Variants in ZC3H7A observed in about 807,000 individuals in gnomAD.
The protein encoded by ZC3H7A is zinc finger CCCH-type containing 7A.
In ZC3H7A, 44 loss-of-function variants were observed where a neutral mutation model predicts 125.5. That is an observed-to-expected ratio of 0.35 (90% confidence interval 0.28 to 0.45). ZC3H7A has a LOEUF of 0.45. ZC3H7A is among the 20% of genes least tolerant of loss of function. The pLI, the probability that ZC3H7A is intolerant of heterozygous loss-of-function variation, is 1.00. For missense variants in ZC3H7A, 977 were observed against 1,170.7 expected (o/e 0.83, Z 2.41); for synonymous variants, 399 against 391.2 (o/e 1.02, Z -0.23).
intron 1 of ZC3H7A, among the ~76,000 whole-genome samples, chr16:11,794,189 G>A (rs572644241): frequency 6.6e-5 from 10 of 152,310 alleles, no homozygotes; most frequent in South Asian, 2.1e-4. Context: ...ACCGCCAGCC[G>A]ATGAAGTCTT....
In ZC3H7A at chr16:11,768,495, C is replaced by T. The variant is rs868669864; in HGVS notation, c.1180G>A (p.Gly394Arg). The T allele has an allele frequency of 1.4e-6, 2 of 1,405,670 alleles. No homozygotes were observed. The highest frequency in any genetic ancestry group is 1.9e-4 in the Middle Eastern group (1 of 5,288). 87.1% of individuals were successfully genotyped at this position (1,405,670 alleles called of 1,614,324 possible). A position where few individuals can be genotyped will look rare whatever the true frequency, so the allele number is the denominator to read the frequency against. Residue 394 changes from glycine to arginine, a missense_variant, in exon 12 of 23, where the codon GGA becomes AGA. Transcript: ENST00000355758. ...TCTGAAGCAAACAAACTACCTGGTC[C>T]ATTCATCTGCAAGAAAAATAAGAAG... is the stretch of plus-strand genomic sequence containing the variant. ...NSNSSLLLMN[G>R]PGSLFASENF... is the part of the protein sequence containing the mutation.
At chr16:11,793,111 T>C (rs1295332332) in intron 1 of ZC3H7A, among the ~76,000 whole-genome samples, 1 of 152,080 alleles carries the variant, frequency 6.6e-6, no homozygotes, top group Non-Finnish European at 1.5e-5. Flanking sequence ...TAAATACAAA[T>C]AATATTAAAA....
Position 11,767,584 on chromosome 16 carries a change from A to G in ZC3H7A, c.1361-6T>C, listed in dbSNP as rs2052882353. On this transcript the variant is annotated splice_region_variant and splice_polypyrimidine_tract_variant and intron_variant, in intron 12 of 22. Coordinates refer to ENST00000355758, the MANE Select transcript of ZC3H7A (RefSeq NM_014153.4). ...GAAATCCATTAACTTAGGGCCTGAA[A>G]AAGATGTAAAGAGGATTGCTTATAT... 1.3e-6 allele frequency: 2 copies of G among 1,549,310 alleles called. No individual in the cohort carries two copies. The highest frequency in any genetic ancestry group is 4.2e-5 in the Admixed American group (2 of 47,088).
At position 11,770,868 on chromosome 16, in the gene ZC3H7A, G is replaced by C. The variant is rs1567382350; in HGVS notation, c.1023C>G (p.Phe341Leu). The change falls in exon 10 of 23, where the codon TTC (phenylalanine) becomes TTG (leucine). Residue 341 changes from phenylalanine to leucine, a missense_variant. By Grantham distance (22) the Phe-to-Leu change is conservative. Around this residue, in one of 3 missense-constraint regions of ZC3H7A, gnomAD observed 342 missense variants for 311.3 expected, o/e 1.10. Transcript: ENST00000355758. ...AAGTCAAAGGTGGATAAAATTCTGAGAAGGAGGGTGGAGGAGCATACCTCG... is the reference window on the plus strand; with the variant it reads ...AAGTCAAAGGTGGATAAAATTCTGACAAGGAGGGTGGAGGAGCATACCTCG... ...IGARYAPPPS[F>L]SEFYPPLTSS... is the part of the protein sequence containing the mutation. 6.2e-7 allele frequency: 1 copy of C among 1,614,216 alleles called. No individual in the cohort carries two copies. Among genetic ancestry groups the C allele is most frequent in the Admixed American group, 1.7e-5 (1 of 60,026 alleles).
intron 1 of ZC3H7A, among the ~76,000 whole-genome samples, chr16:11,793,373 A>C (rs2053382658): frequency 6.6e-6 from 1 of 152,092 alleles, no homozygotes; most frequent in Non-Finnish European, 1.5e-5. Flanking sequence ...CTCTATAAAA[A>C]TGTTTAAAAA....
At chr16:11,774,927 C>A in intron 8 of ZC3H7A, 53 bp downstream of exon 8, 1 of 1,574,758 alleles carries the variant, frequency 6.4e-7, no homozygotes. Context: ...ACAAAGACAT[C>A]AGGTACAAAG....
At chr16:11,773,840 G>C (rs1472139881) in intron 9 of ZC3H7A, among the ~76,000 whole-genome samples, 1 of 149,222 alleles carries the variant, frequency 6.7e-6, no homozygotes, top group Non-Finnish European at 1.5e-5. Flanking sequence ...CCAAGACTGC[G>C]CCACTGCACT....
At chr16:11,769,710 C>CAAAA (rs529124830) in intron 10 of ZC3H7A, among the ~76,000 whole-genome samples, 995 of 32,478 alleles carry the variant, frequency 0.031, 74 homozygotes, top group East Asian at 0.094. Context: ...GACTCTGTCT[C>CAAAA]AAAAAAAAAA....
intron 16 of ZC3H7A, chr16:11,762,951 C>T: frequency 4.1e-6 from 2 of 493,420 alleles, no homozygotes; most frequent in Non-Finnish European, 7.2e-6. Context: ...AGGAATCTTT[C>T]CTCCCAACAA....
chr16:11,752,541 CCTT>C, intron 22 of ZC3H7A, 125 bp downstream of exon 22: 6 of 1,181,298 alleles, frequency 5.1e-6, no homozygotes, highest in Non-Finnish European at 7.0e-6. Context: ...ACCCAAGAAT[CCTT>C]CAGGGTCTGT....
intron 3 of ZC3H7A, 45 bp from the exon 4 acceptor site, chr16:11,779,408 A>G (rs1482599809): frequency 6.4e-7 from 1 of 1,550,908 alleles, no homozygotes; most frequent in South Asian, 1.2e-5. Context: ...ATCAAACAAG[A>G]TATGGTATAA....
At chr16:11,770,062 C>T (rs1049569168) in intron 10 of ZC3H7A, among the ~76,000 whole-genome samples, 4 of 152,076 alleles carry the variant, frequency 2.6e-5, no homozygotes, top group Admixed American at 2.0e-4. Flanking sequence ...GCTGGGATTA[C>T]AGGCATGAGC....
chr16:11,778,839 G>A (rs565125776), intron 4 of ZC3H7A, among the ~76,000 whole-genome samples: 17 of 151,878 alleles, frequency 1.1e-4, no homozygotes, highest in South Asian at 4.2e-4. Flanking sequence ...TCAGCCTCCC[G>A]GGCAGCTGGG....
chr16:11,775,871 G>T (rs1175832659), intron 7 of ZC3H7A, among the ~76,000 whole-genome samples: 3 of 152,120 alleles, frequency 2.0e-5, no homozygotes, highest in Non-Finnish European at 2.9e-5. Context: ...AAAGTGACTA[G>T]AAGAGGCCAG....
intron 11 of ZC3H7A, 111 bp from the exon 12 acceptor site, chr16:11,768,612 G>C: frequency 1.1e-6 from 1 of 939,558 alleles, no homozygotes; most frequent in Non-Finnish European, 1.5e-6. Flanking sequence ...CATAAACTGA[G>C]GTCAGTACTA....
chr16:11,778,609 C>T (rs2053123864), intron 4 of ZC3H7A, among the ~76,000 whole-genome samples: 2 of 152,112 alleles, frequency 1.3e-5, no homozygotes, highest in African/African-American at 4.8e-5. Context: ...AGCAGACACA[C>T]CTTCAAAAGC....
At chr16:11,791,980 T>G (rs1398773977) in intron 1 of ZC3H7A, among the ~76,000 whole-genome samples, 1 of 152,160 alleles carries the variant, frequency 6.6e-6, no homozygotes. Flanking sequence ...GGCACAACCA[T>G]AGCTCACTGC....
At chr16:11,757,222 C>T (rs952579970) in intron 20 of ZC3H7A, among the ~76,000 whole-genome samples, 3 of 152,046 alleles carry the variant, frequency 2.0e-5, no homozygotes, top group East Asian at 1.9e-4. Context: ...CGGTGGCTCA[C>T]GCCTGTAATC....
At chr16:11,758,121 G>C (rs967741760) in intron 20 of ZC3H7A, among the ~76,000 whole-genome samples, 7 of 152,160 alleles carry the variant, frequency 4.6e-5, no homozygotes, top group Admixed American at 3.3e-4. Flanking sequence ...GATTTAAACA[G>C]TCAAGGGAGT....
Sources: allele counts gnomAD v4.1 joint callset (sites outside exome capture counted in the v4.1 genomes callset), GRCh38; gene constraint gnomAD v4.1.1; regional missense constraint gnomAD v4.1.1; transcripts MANE v1.5; gene names NCBI Gene and HGNC (gene_info 2026-07-23, HGNC 2026-07-21).